LRFN5: variants seen among roughly 807,000 people sequenced by gnomAD.
LRFN5 encodes leucine-rich repeat and fibronectin type-III domain-containing protein 5.
A neutral mutation model predicts 45.6 loss-of-function variants in LRFN5; 24 were observed. The observed-to-expected ratio is 0.53, with a 90% CI of 0.38 to 0.74. The LOEUF (loss-of-function observed/expected upper bound fraction) is 0.74. Ranked by LOEUF, LRFN5 falls within the 30% of genes least tolerant of loss-of-function variation. The pLI is 0.00. For synonymous variants in LRFN5, 340 were observed against 313.8 expected (o/e 1.08, Z -0.88); for missense variants, 776 against 861.5 (o/e 0.90, Z 1.24).
intron 1 of LRFN5, among the ~76,000 whole-genome samples, chr14:41,762,884 A>C (rs933327135): frequency 6.6e-6 from 1 of 152,118 alleles, no homozygotes; most frequent in African/African-American, 2.4e-5. Context: ...ATCATTTTTA[A>C]CACAAAGTAA....
At chr14:41,658,065 T>G (rs55799819) in intron 1 of LRFN5, among the ~76,000 whole-genome samples, 3,600 of 152,084 alleles carry the variant, frequency 0.024, 130 homozygotes, top group African/African-American at 0.082. Flanking sequence ...AATGAAAACA[T>G]TTTTCTTAAA....
intron 2 of LRFN5, among the ~76,000 whole-genome samples, chr14:41,786,815 T>C (rs1326994466): frequency 6.6e-6 from 1 of 152,018 alleles, no homozygotes; most frequent in Non-Finnish European, 1.5e-5. Flanking sequence ...TTTTGGTTCA[T>C]TTCATTGTGT....
chr14:41,886,566 C>G, intron 2 of LRFN5, 40 bp from the exon 3 acceptor site: 1 of 1,286,138 alleles, frequency 7.8e-7, no homozygotes, highest in Non-Finnish European at 1.1e-6. Context: ...TGAATTAAAT[C>G]ACTGGATGCT....
chr14:41,724,899 A>G (rs111626484), intron 1 of LRFN5, among the ~76,000 whole-genome samples: 3,173 of 152,206 alleles, frequency 0.021, 121 homozygotes, highest in African/African-American at 0.072. Context: ...ATCGGTTACT[A>G]CCTTTCAAAA....
At position 41,883,935 on chromosome 14, in the gene LRFN5, C is replaced by T. The variant is rs770599113; in HGVS notation, c.-20-2671C>T. Among the ~76,000 whole-genome samples the T allele has an allele frequency of 6.6e-5, 10 of 152,268 alleles. No homozygotes were observed. The South Asian group carries it at 8.3e-4, about 13-fold the overall frequency. On this transcript the variant is annotated intron_variant, in intron 2 of 5. Transcript: ENST00000298119. ...ATATGTTTGACTTCTTAACACCATTCCACAGGTCATTGGATTTTTGTTCCC... is the reference window on the plus strand; with the variant it reads ...ATATGTTTGACTTCTTAACACCATTTCACAGGTCATTGGATTTTTGTTCCC...
chr14:41,756,796 G>C (rs539325794), intron 1 of LRFN5, among the ~76,000 whole-genome samples: 1 of 152,162 alleles, frequency 6.6e-6, no homozygotes, highest in Non-Finnish European at 1.5e-5. Context: ...TCCATTGCTG[G>C]TGAGGAGCTG....
chr14:41,653,378 A>C lies in LRFN5; in HGVS notation c.-197+44816A>C, dbSNP rs962162535. On this transcript the variant is annotated intron_variant, in intron 1 of 5. Coordinates refer to ENST00000298119, the MANE Select transcript of LRFN5 (RefSeq NM_152447.5). ...AGGGTTCAGTTTCAATTTTCTGCATATGGCTAGCCAGTTCTCCCAGCACCA... is the reference window on the plus strand; with the variant it reads ...AGGGTTCAGTTTCAATTTTCTGCATCTGGCTAGCCAGTTCTCCCAGCACCA... Among the ~76,000 whole-genome samples, 7 of 152,270 alleles carry C rather than the reference A, an allele frequency of 4.6e-5. No individual in the cohort carries two copies. In the East Asian group the frequency reaches 1.4e-3, roughly 29 times the overall value.
At chr14:41,779,896 T>G (rs1886421830) in intron 2 of LRFN5, among the ~76,000 whole-genome samples, 1 of 151,942 alleles carries the variant, frequency 6.6e-6, no homozygotes, top group Non-Finnish European at 1.5e-5. Context: ...AGTTTATAAA[T>G]GTTACTGGTC....
At chr14:41,871,363 A>G (rs1452153585) in intron 2 of LRFN5, among the ~76,000 whole-genome samples, 1 of 152,108 alleles carries the variant, frequency 6.6e-6, no homozygotes, top group East Asian at 1.9e-4. Context: ...CAAGGCAGGT[A>G]GATTACCTGA....
At chr14:41,707,376 A>G (rs1174883969) in intron 1 of LRFN5, among the ~76,000 whole-genome samples, 1 of 152,182 alleles carries the variant, frequency 6.6e-6, no homozygotes, top group East Asian at 1.9e-4. Flanking sequence ...TTCCCAAGTC[A>G]CTGAATGAAT....
intron 2 of LRFN5, among the ~76,000 whole-genome samples, chr14:41,882,980 C>T (rs1348235078): frequency 5.3e-5 from 8 of 150,628 alleles, no homozygotes; most frequent in Non-Finnish European, 8.9e-5. Context: ...TCCCCAGTAA[C>T]TGGGACTACA....
chr14:41,698,186 A>G (rs1169747522), intron 1 of LRFN5, among the ~76,000 whole-genome samples: 1 of 152,044 alleles, frequency 6.6e-6, no homozygotes, highest in Non-Finnish European at 1.5e-5. Flanking sequence ...CAAAGATTAC[A>G]GGAGAACCTG....
chr14:41,750,599 AC>A (rs1299795497), intron 1 of LRFN5, among the ~76,000 whole-genome samples: 1 of 152,178 alleles, frequency 6.6e-6, no homozygotes, highest in Non-Finnish European at 1.5e-5. Flanking sequence ...GTTACCACTT[AC>A]GCAAAATTAT....
At chr14:41,727,073 C>T (rs1883967450) in intron 1 of LRFN5, among the ~76,000 whole-genome samples, 1 of 152,146 alleles carries the variant, frequency 6.6e-6, no homozygotes, top group South Asian at 2.1e-4. Context: ...ATAGGTGAGA[C>T]ACTTCCATTT....
At chr14:41,768,937 G>A (rs1025312009) in intron 2 of LRFN5, among the ~76,000 whole-genome samples, 3 of 152,058 alleles carry the variant, frequency 2.0e-5, no homozygotes, top group Non-Finnish European at 4.4e-5. Context: ...TAATTTATAT[G>A]TTGAAAAAGA....
Position 41,712,033 on chromosome 14 carries a change from C to T in LRFN5, c.-196-54821C>T, listed in dbSNP as rs1292347770. Reference sequence around the variant, plus strand: ...AAAATCCATCCAACAGCAGATTAGACACAATAGAAGAAAGAATTGTTGAAG... The same window carrying T: ...AAAATCCATCCAACAGCAGATTAGATACAATAGAAGAAAGAATTGTTGAAG... On this transcript the variant is annotated intron_variant, in intron 1 of 5. Coordinates refer to ENST00000298119, the MANE Select transcript of LRFN5 (RefSeq NM_152447.5). 2.6e-5 allele frequency among the ~76,000 whole-genome samples: 4 copies of T among 151,980 alleles called. No homozygotes were observed. In the South Asian group the frequency reaches 8.3e-4, roughly 32 times the overall value.
At chr14:41,639,556 T>C (rs1041768449) in intron 1 of LRFN5, among the ~76,000 whole-genome samples, 1 of 152,100 alleles carries the variant, frequency 6.6e-6, no homozygotes, top group Admixed American at 6.6e-5. Flanking sequence ...AAAATAAAAC[T>C]TGACCTACCT....
intron 1 of LRFN5, among the ~76,000 whole-genome samples, chr14:41,641,221 G>A (rs113611424): frequency 0.011 from 1,727 of 152,120 alleles, 36 homozygotes; most frequent in African/African-American, 0.04. Flanking sequence ...CTATTCTGAA[G>A]GTCTAAAAGG....
intron 2 of LRFN5, among the ~76,000 whole-genome samples, chr14:41,861,990 T>C (rs974594318): frequency 1.3e-5 from 2 of 152,128 alleles, no homozygotes; most frequent in Non-Finnish European, 2.9e-5. Context: ...TGTTCCATGC[T>C]GTTTTCACGA....
Sources: gnomAD v4.1 joint callset for allele counts (sites outside exome capture counted in the v4.1 genomes callset) on GRCh38, gnomAD v4.1.1 for gene constraint, MANE v1.5 for transcripts, NCBI Gene and HGNC (gene_info 2026-07-23, HGNC 2026-07-21) for gene names.